Variants in PIN4 observed in about 807,000 individuals in gnomAD.
The protein encoded by PIN4 is peptidylprolyl cis/trans isomerase, NIMA-interacting 4, also known as peptidyl-prolyl cis-trans isomerase NIMA-interacting 4.
A neutral mutation model predicts 8.3 loss-of-function variants in PIN4; 3 were observed. The ratio of observed to expected loss-of-function variants is 0.36; its 90% confidence interval spans 0.16 to 0.93. The LOEUF is 0.93. PIN4 is among the 40% of genes least tolerant of loss of function. The pLI, the probability that PIN4 is intolerant of heterozygous loss-of-function variation, is 0.44. For missense variants in PIN4, 75 were observed against 100.6 expected (o/e 0.75, Z 1.09); for synonymous variants, 18 against 32.5 (o/e 0.55, Z 1.52).
downstream of PIN4, among the ~76,000 whole-genome samples, chrX:72,199,337 A>AGCCTGGCCATC (rs2042781283): frequency 1.8e-5 from 2 of 111,824 alleles, no homozygotes; most frequent in African/African-American, 6.5e-5. Context: ...GAATTTAAGA[A>AGCCTGGCCATC]GACCAGCCTG....
At chrX:72,240,070 CAGAG>C (rs1296726421) in intron 3 of PIN4, among the ~76,000 whole-genome samples, 4 of 95,270 alleles carry the variant, frequency 4.2e-5, no homozygotes, top group Non-Finnish European at 8.2e-5. Context: ...GCCTGGGTGA[CAGAG>C]AAAGACTCCA....
At chrX:72,183,199 G>A (rs573330329) in intron 1 of PIN4, among the ~76,000 whole-genome samples, 73 of 111,460 alleles carry the variant, frequency 6.5e-4, no homozygotes, top group South Asian at 7.6e-4. Context: ...CATGAGGAGC[G>A]GGGATGAGAT....
At chrX:72,219,706 G>A (rs769506507) in intron 3 of PIN4, among the ~76,000 whole-genome samples, 23 of 109,373 alleles carry the variant, frequency 2.1e-4, no homozygotes, top group Non-Finnish European at 2.7e-4. Context: ...AAAAATTAGC[G>A]GGCGTGGTGG....
chrX:72,239,200 G>A (rs747387019), intron 3 of PIN4, among the ~76,000 whole-genome samples: 4 of 113,182 alleles, frequency 3.5e-5, no homozygotes, highest in East Asian at 5.6e-4. Context: ...GGAGTGTGCT[G>A]CCTCAGTCTG....
intron 3 of PIN4, among the ~76,000 whole-genome samples, chrX:72,233,970 G>C (rs1036176394): frequency 9.2e-6 from 1 of 109,110 alleles, no homozygotes; most frequent in Non-Finnish European, 1.9e-5. Context: ...AATTAGCCTG[G>C]CGTGGTAGCA....
At chrX:72,200,134 C>T (rs1271246509), downstream of PIN4, among the ~76,000 whole-genome samples, 1 of 106,561 alleles carries the variant, frequency 9.4e-6, no homozygotes, top group Non-Finnish European at 1.9e-5. Flanking sequence ...CCACTGCACT[C>T]CAGTCTGGGC....
downstream of PIN4, among the ~76,000 whole-genome samples, chrX:72,201,437 CAA>C (rs1380853657): frequency 9.0e-6 from 1 of 110,560 alleles, no homozygotes; most frequent in Non-Finnish European, 1.9e-5. Flanking sequence ...ACCAAAAATA[CAA>C]AAAATTAGCC....
intron 3 of PIN4, among the ~76,000 whole-genome samples, chrX:72,259,249 G>A (rs868026653): frequency 2.1e-5 from 2 of 96,271 alleles, no homozygotes; most frequent in Non-Finnish European, 4.1e-5. Context: ...ACGGAGTTTC[G>A]CTCTTGTTGC....
chrX:72,210,052 A>C (rs1241125774), intron 3 of PIN4, among the ~76,000 whole-genome samples: 1 of 108,735 alleles, frequency 9.2e-6, no homozygotes, highest in Non-Finnish European at 1.9e-5. Flanking sequence ...CCGAACACAC[A>C]AGCAACCAGA....
intron 1 of PIN4, among the ~76,000 whole-genome samples, chrX:72,182,103 G>A (rs1351227511): frequency 8.9e-6 from 1 of 112,596 alleles, no homozygotes; most frequent in Non-Finnish European, 1.9e-5. Flanking sequence ...CTTATCAAAA[G>A]CCAGCAATAG....
At chrX:72,258,693 T>G (rs2043124128) in intron 3 of PIN4, among the ~76,000 whole-genome samples, 1 of 111,371 alleles carries the variant, frequency 9.0e-6, no homozygotes, top group African/African-American at 3.3e-5. Context: ...TGTGTGAACT[T>G]GGACCAGGTT....
chrX:72,222,717 C>G (rs1422874030), intron 3 of PIN4, among the ~76,000 whole-genome samples: 1 of 108,694 alleles, frequency 9.2e-6, no homozygotes. Flanking sequence ...CCTGCCTCAG[C>G]CTCCTGAGTA....
intron 3 of PIN4, among the ~76,000 whole-genome samples, chrX:72,241,636 G>A (rs760979684): frequency 8.9e-6 from 1 of 112,066 alleles, no homozygotes; most frequent in East Asian, 2.8e-4. Context: ...CAGCCTGACG[G>A]AGAAACCCTG....
At chrX:72,262,271 C>G (rs1156352103) in intron 3 of PIN4, among the ~76,000 whole-genome samples, 1 of 112,391 alleles carries the variant, frequency 8.9e-6, no homozygotes, top group Non-Finnish European at 1.9e-5. Flanking sequence ...GCTGAATGAA[C>G]AAGAGATCAA....
intron 2 of PIN4, among the ~76,000 whole-genome samples, chrX:72,188,028 G>GAA (rs1214245565): frequency 9.0e-6 from 1 of 111,575 alleles, no homozygotes; most frequent in East Asian, 2.8e-4. Flanking sequence ...GAGAGAGAGA[G>GAA]AGATGAGAGA....
chrX:72,181,725 G>A (rs757670554), upstream of PIN4: 9 of 1,132,406 alleles, frequency 7.9e-6, no homozygotes, highest in Admixed American at 2.0e-4. Context: ...CCATGGCGGG[G>A]CTTCTAAAGG....
In PIN4 at chrX:72,208,391, A is replaced by C. The variant is rs190982446; in HGVS notation, c.312+11487A>C. 5.4e-5 allele frequency: 65 copies of C among 1,210,058 alleles called. No homozygotes were observed. In the Admixed American group the frequency reaches 1.4e-3, roughly 26 times the overall value. ...GCAATGATTTGAACAGTCTTCCCTA[A>C]TCCCATATCATCAGCCAATATACCA... On this transcript the variant is annotated intron_variant, in intron 3 of 3. Coordinates refer to the PIN4 transcript ENST00000423432.
intron 3 of PIN4, 125 bp downstream of exon 3, chrX:72,197,029 C>A (rs2042770207): frequency 1.6e-6 from 1 of 631,143 alleles, no homozygotes; most frequent in Non-Finnish European, 2.3e-6. Flanking sequence ...AGGGATCATT[C>A]CTTTGTTCAA....
At chrX:72,238,732 T>C (rs2147609072) in intron 3 of PIN4, 1 of 688,097 alleles carries the variant, frequency 1.5e-6, no homozygotes, top group East Asian at 3.6e-5. Flanking sequence ...CGAGCGCGCG[T>C]CTCAAAAGGC....
Sources: gnomAD v4.1 joint callset for allele counts (sites outside exome capture counted in the v4.1 genomes callset) on GRCh38, gnomAD v4.1.1 for gene constraint, MANE v1.5 for transcripts, NCBI Gene and HGNC (gene_info 2026-07-23, HGNC 2026-07-21) for gene names.